Variants in TBXAS1 observed in about 807,000 individuals in gnomAD.
TBXAS1 encodes thromboxane-A synthase.
A neutral mutation model predicts 60.7 loss-of-function variants in TBXAS1; 48 were observed. The ratio of observed to expected loss-of-function variants is 0.79; its 90% CI spans 0.63 to 1.01. The LOEUF (loss-of-function observed/expected upper bound fraction) is 1.01. Ranked by LOEUF, TBXAS1 falls within the 50% of genes least tolerant of loss-of-function variation. The pLI is 0.00. For synonymous variants in TBXAS1, 287 were observed against 269.7 expected (o/e 1.06, Z -0.63); for missense variants, 685 against 686.3 (o/e 1.00, Z 0.02).
chr7:139,905,031 C>CT (rs1368512299), intron 3 of TBXAS1, among the ~76,000 whole-genome samples: 6 of 84,900 alleles, frequency 7.1e-5, no homozygotes, highest in Admixed American at 3.8e-4. Context: ...TTCTTTCTTT[C>CT]TTTCTTTCTT....
chr7:139,799,611 C>T (rs1797665784), intron 4 of TBXAS1, among the ~76,000 whole-genome samples: 2 of 152,182 alleles, frequency 1.3e-5, no homozygotes. Context: ...CCCCCTTTGG[C>T]TTCCCAAAGT....
At chr7:139,841,110 T>C (rs188324388) in intron 1 of TBXAS1, among the ~76,000 whole-genome samples, 616 of 152,328 alleles carry the variant, frequency 4.0e-3, no homozygotes, top group Non-Finnish European at 6.5e-3. Flanking sequence ...GGTGTGAGCG[T>C]GGCAAGGAGC....
rs564359112 is a variant in TBXAS1, at chr7:139,998,955, T to G, written c.1135-8136T>G. Among the ~76,000 whole-genome samples the G allele has an allele frequency of 4.1e-4, 62 of 152,334 alleles. 1 individual carries two copies. In the South Asian group the frequency reaches 0.012, roughly 30 times the overall value. On this transcript the variant is annotated intron_variant, in intron 9 of 12. Transcript: ENST00000448866. ...AGGTATAAATAGATGCCATGTACAC[T>G]CTCTTAATTACTTTTTCTCGAGTAT...
At chr7:139,825,316 C>T (rs116637205), upstream of TBXAS1, among the ~76,000 whole-genome samples, 302 of 152,216 alleles carry the variant, frequency 2.0e-3, no homozygotes, top group African/African-American at 6.7e-3. Context: ...GTAAAAACCC[C>T]GAGCATCTCT....
At chr7:140,016,132 T>A (rs35903524) in intron 11 of TBXAS1, among the ~76,000 whole-genome samples, 5 of 151,704 alleles carry the variant, frequency 3.3e-5, no homozygotes, top group Non-Finnish European at 7.4e-5. Flanking sequence ...ATCGAGACCA[T>A]CCTGGCTAAC....
chr7:139,937,539 GC>G (rs138757536), intron 5 of TBXAS1, among the ~76,000 whole-genome samples: 2,196 of 152,248 alleles, frequency 0.014, 53 homozygotes, highest in Middle Eastern at 0.061. Context: ...GTGTTTGGGG[GC>G]AGAGCCTGTC....
At chr7:140,010,439 G>T (rs1166053426) in intron 10 of TBXAS1, among the ~76,000 whole-genome samples, 5 of 152,214 alleles carry the variant, frequency 3.3e-5, no homozygotes, top group Non-Finnish European at 7.3e-5. Flanking sequence ...GTGCGGTGCA[G>T]TTCTGAAGCT....
intron 9 of TBXAS1, among the ~76,000 whole-genome samples, chr7:139,968,369 A>G (rs1298368432): frequency 6.6e-6 from 1 of 152,144 alleles, no homozygotes; most frequent in Non-Finnish European, 1.5e-5. Context: ...ATCTTGGCTC[A>G]TTGCAACCTC....
chr7:139,801,147 C>A (rs1267012917), intron 4 of TBXAS1, among the ~76,000 whole-genome samples: 4 of 152,180 alleles, frequency 2.6e-5, no homozygotes, highest in African/African-American at 9.7e-5. Flanking sequence ...AAGGACAGAC[C>A]ACATTTTTCC....
intron 1 of TBXAS1, 116 bp downstream of exon 1, chr7:139,829,595 G>T: frequency 1.1e-6 from 1 of 939,312 alleles, no homozygotes. Context: ...AATCTAGCGG[G>T]AGTGAGTATT....
At chr7:139,972,972 G>A (rs1423199143) in intron 9 of TBXAS1, among the ~76,000 whole-genome samples, 1 of 152,086 alleles carries the variant, frequency 6.6e-6, no homozygotes, top group Non-Finnish European at 1.5e-5. Flanking sequence ...AGTAGATAAA[G>A]CCTGTGAGTT....
intron 3 of TBXAS1, among the ~76,000 whole-genome samples, chr7:139,907,546 C>T (rs1439719293): frequency 6.6e-6 from 1 of 151,840 alleles, no homozygotes; most frequent in Non-Finnish European, 1.5e-5. Context: ...TGAAGTGTTC[C>T]CTCCTCTTTT....
Position 140,003,493 on chromosome 7 carries a change from C to T in TBXAS1, c.1135-3598C>T, listed in dbSNP as rs1813841876. ...GTGCTGGGATTACAGGCGTGAGCCA[C>T]CGCACCTGGCCTACATGTGCATCTT... On this transcript the variant is annotated intron_variant, in intron 9 of 12. Coordinates refer to ENST00000448866, the MANE Select transcript of TBXAS1 (RefSeq NM_001061.7). Among the ~76,000 whole-genome samples, 3 of 152,348 alleles carry T rather than the reference C, an allele frequency of 2.0e-5. No homozygotes were observed. In the South Asian group the frequency reaches 6.2e-4, roughly 32 times the overall value.
intron 9 of TBXAS1, among the ~76,000 whole-genome samples, chr7:139,963,913 C>T (rs1464793261): frequency 6.6e-6 from 1 of 152,106 alleles, no homozygotes; most frequent in Non-Finnish European, 1.5e-5. Context: ...CTTATATTGG[C>T]CCCATCCTCC....
chr7:139,909,238 C>T (rs553919795), intron 3 of TBXAS1, among the ~76,000 whole-genome samples: 56 of 152,222 alleles, frequency 3.7e-4, no homozygotes, highest in African/African-American at 1.3e-3. Flanking sequence ...AAATTTTCAG[C>T]TGTTATTTCT....
intron 9 of TBXAS1, among the ~76,000 whole-genome samples, chr7:140,001,156 G>C (rs1316322377): frequency 6.6e-6 from 1 of 152,180 alleles, no homozygotes; most frequent in East Asian, 1.9e-4. Flanking sequence ...GGACAGCAAA[G>C]GTTGATTTTG....
chr7:139,833,882 G>A (rs906038382), intron 1 of TBXAS1, among the ~76,000 whole-genome samples: 18 of 151,974 alleles, frequency 1.2e-4, no homozygotes, highest in African/African-American at 3.1e-4. Context: ...ATATTCCACC[G>A]ACAGCACCAG....
intron 1 of TBXAS1, among the ~76,000 whole-genome samples, chr7:139,848,216 G>A (rs727358): frequency 6.6e-6 from 1 of 151,840 alleles, no homozygotes; most frequent in African/African-American, 2.4e-5. Flanking sequence ...AACGCCTGAG[G>A]TCAAATGATC....
At chr7:139,956,447 T>C (rs753705743) in intron 7 of TBXAS1, among the ~76,000 whole-genome samples, 1 of 152,186 alleles carries the variant, frequency 6.6e-6, no homozygotes, top group Non-Finnish European at 1.5e-5. Context: ...CACCAGGACT[T>C]ATTTTATTTT....
Sources: gnomAD v4.1 joint callset for allele counts (sites outside exome capture counted in the v4.1 genomes callset) on GRCh38, gnomAD v4.1.1 for gene constraint, MANE v1.5 for transcripts, NCBI Gene and HGNC (gene_info 2026-07-23, HGNC 2026-07-21) for gene names.